The following OGDH variants were observed in gnomAD, a reference collection of about 807,000 sequenced individuals.
The protein encoded by OGDH is oxoglutarate dehydrogenase.
Under a neutral mutation model 116.6 loss-of-function variants are expected in OGDH, and 38 were observed. The ratio of observed to expected loss-of-function variants is 0.33; its 90% confidence interval spans 0.25 to 0.43. The LOEUF is 0.43. OGDH is among the 20% of genes least tolerant of loss of function. The probability of loss-of-function intolerance (pLI) is 1.00; values close to 1 mark genes in which losing one functional copy is unlikely to be tolerated. For missense variants in OGDH, 825 were observed against 1,357.2 expected (o/e 0.61, Z 6.16); for synonymous variants, 488 against 533.3 (o/e 0.92, Z 1.17).
intron 2 of OGDH, among the ~76,000 whole-genome samples, chr7:44,642,924 A>G (rs79359790): frequency 1.3e-5 from 2 of 151,190 alleles, no homozygotes; most frequent in Non-Finnish European, 2.9e-5. Context: ...TCTGTCTCAA[A>G]AAAAAAAAAA....
Position 44,693,136 on chromosome 7 carries a change from G to A in OGDH, c.1336-689G>A, listed in dbSNP as rs187605262. Among the ~76,000 whole-genome samples, 315 of 152,114 alleles carry A rather than the reference G, an allele frequency of 2.1e-3. 1 individual carries two copies. The highest frequency in any genetic ancestry group is 2.8e-3 in the Non-Finnish European group (187 of 67,986). ...AGCCTGGCTAACATAGTGAAACCCCGTCTCTACTAAAAATAACAAAAATTA... is the reference window on the plus strand; with the variant it reads ...AGCCTGGCTAACATAGTGAAACCCCATCTCTACTAAAAATAACAAAAATTA... On this transcript the variant is annotated intron_variant, in intron 10 of 22. Coordinates refer to ENST00000222673, the MANE Select transcript of OGDH (RefSeq NM_002541.4).
At chr7:44,676,664 A>G in intron 9 of OGDH, 1 of 308,934 alleles carries the variant, frequency 3.2e-6, no homozygotes, top group Non-Finnish European at 4.7e-6. Context: ...TTTAAAGAAT[A>G]GCAATAGTAA....
In OGDH at chr7:44,633,802, G is replaced by A. The variant is rs147109590; in HGVS notation, c.222+9237G>A. ...AGACGACCACAGGTGACCCCAGACT[G>A]TGGGTCTTCCTCACCTCCTTGAGAG... On this transcript the variant is annotated intron_variant, in intron 2 of 22. Transcript: ENST00000222673. 6.6e-4 allele frequency among the ~76,000 whole-genome samples: 101 copies of A among 152,346 alleles called. 1 individual carries two copies. In the East Asian group the frequency reaches 6.9e-3, roughly 10 times the overall value.
intron 2 of OGDH, among the ~76,000 whole-genome samples, chr7:44,626,181 A>G (rs915589781): frequency 3.3e-5 from 5 of 152,068 alleles, no homozygotes; most frequent in African/African-American, 1.2e-4. Flanking sequence ...TTATTTCCCT[A>G]GTCTGTAAAC....
chr7:44,607,001 C>A (rs890622579), intron 1 of OGDH, among the ~76,000 whole-genome samples: 3 of 152,140 alleles, frequency 2.0e-5, no homozygotes, highest in African/African-American at 7.2e-5. Context: ...GAGGGCGGTG[C>A]GTCCGCAGGG....
rs376291092 is a variant in OGDH at position 44,645,736 on chromosome 7, G to A, written c.414+218G>A. Among the ~76,000 whole-genome samples, 6 of 152,322 alleles carry A rather than the reference G, an allele frequency of 3.9e-5. No individual in the cohort carries two copies. The East Asian group carries it at 9.6e-4, about 24-fold the overall frequency. On this transcript the variant is annotated intron_variant, in intron 3 of 22. Coordinates refer to ENST00000222673, the MANE Select transcript of OGDH (RefSeq NM_002541.4). ...GAGCAAATCTCCCAGCACCACTAAT[G>A]CCTGCCTTATAAAAGGGATCCTTAT...
intron 4 of OGDH, among the ~76,000 whole-genome samples, chr7:44,664,771 C>G (rs1037017917): frequency 1.3e-5 from 2 of 152,118 alleles, no homozygotes; most frequent in Non-Finnish European, 2.9e-5. Flanking sequence ...ACAAAGCACT[C>G]ATATATAGAT....
intron 1 of OGDH, chr7:44,622,665 T>C (rs921018503): frequency 2.6e-5 from 4 of 152,220 alleles, no homozygotes; most frequent in Non-Finnish European, 4.4e-5. Context: ...TTCTGGGTAA[T>C]TCACACTATG....
At chr7:44,614,717 C>G (rs571118093) in intron 1 of OGDH, among the ~76,000 whole-genome samples, 35 of 151,968 alleles carry the variant, frequency 2.3e-4, no homozygotes, top group Non-Finnish European at 3.8e-4. Flanking sequence ...CTCGTGGAAG[C>G]ATTTTGAGGA....
In OGDH at chr7:44,630,544, T is replaced by C. The variant is rs1452461378; in HGVS notation, c.222+5979T>C. ...TTTTATGTTTGATTTATGAATGACTTATCAGAAATATATGTAGTCATTCCT... is the reference window on the plus strand; with the variant it reads ...TTTTATGTTTGATTTATGAATGACTCATCAGAAATATATGTAGTCATTCCT... On this transcript the variant is annotated intron_variant, in intron 2 of 22. Transcript: ENST00000222673. 2.6e-5 allele frequency among the ~76,000 whole-genome samples: 4 copies of C among 152,252 alleles called. No homozygotes were observed. In the East Asian group the frequency reaches 7.7e-4, roughly 29 times the overall value.
chr7:44,705,243 G>A (rs369738568), intron 20 of OGDH, among the ~76,000 whole-genome samples: 6 of 146,912 alleles, frequency 4.1e-5, no homozygotes, highest in East Asian at 4.1e-4. Flanking sequence ...TAGTAGAGAC[G>A]GGGTTTCACC....
intron 10 of OGDH, among the ~76,000 whole-genome samples, chr7:44,682,403 G>C (rs1432590550): frequency 6.7e-6 from 1 of 149,532 alleles, no homozygotes; most frequent in Non-Finnish European, 1.5e-5. Context: ...AAAAAGAAAA[G>C]AAAAAAAGTT....
intron 2 of OGDH, among the ~76,000 whole-genome samples, chr7:44,635,265 T>G (rs1785613679): frequency 6.6e-6 from 1 of 152,306 alleles, no homozygotes; most frequent in South Asian, 2.1e-4. Context: ...CGGTGTTCCT[T>G]GGTTACATGG....
At chr7:44,646,299 G>A (rs1391314560) in intron 3 of OGDH, among the ~76,000 whole-genome samples, 4 of 152,186 alleles carry the variant, frequency 2.6e-5, no homozygotes, top group Non-Finnish European at 5.9e-5. Flanking sequence ...AACTGCTTTG[G>A]TGGCAACAAG....
At chr7:44,679,315 G>A (rs758886231) in intron 9 of OGDH, among the ~76,000 whole-genome samples, 1 of 152,196 alleles carries the variant, frequency 6.6e-6, no homozygotes, top group East Asian at 1.9e-4. Flanking sequence ...TTTACACTCA[G>A]GCAGCCTGGG....
At chr7:44,636,599 GC>G (rs2115658611) in intron 2 of OGDH, among the ~76,000 whole-genome samples, 1 of 152,332 alleles carries the variant, frequency 6.6e-6, no homozygotes, top group East Asian at 1.9e-4. Context: ...GTGAGCAGCT[GC>G]CACATGCAGA....
At position 44,627,115 on chromosome 7, in the gene OGDH, G is replaced by A. The variant is rs111347549; in HGVS notation, c.222+2550G>A. The stretch of plus-strand genomic sequence containing the variant: ...AGGCTCAAGCGATTCTCCTGCCTCA[G>A]CCTCCTGAGTAGCTGGGATTACAGG... On this transcript the variant is annotated intron_variant, in intron 2 of 22. Transcript: ENST00000222673. 1.6e-3 allele frequency among the ~76,000 whole-genome samples: 248 copies of A among 152,348 alleles called. 2 individuals carry two copies. The highest frequency in any genetic ancestry group is 5.5e-3 in the African/African-American group (227 of 41,582).
chr7:44,612,387 CT>C (rs1470101403), intron 1 of OGDH, among the ~76,000 whole-genome samples: 2 of 149,542 alleles, frequency 1.3e-5, no homozygotes, highest in African/African-American at 2.5e-5. Context: ...TTTTGCCTTT[CT>C]TTTTTTTTTC....
chr7:44,641,147 C>T (rs920195508), intron 2 of OGDH, among the ~76,000 whole-genome samples: 6 of 150,908 alleles, frequency 4.0e-5, no homozygotes, highest in African/African-American at 7.3e-5. Context: ...GTGATCCGCC[C>T]GCTTCAGCCT....
Sources: allele counts gnomAD v4.1 joint callset (sites outside exome capture counted in the v4.1 genomes callset), GRCh38; gene constraint gnomAD v4.1.1; transcripts MANE v1.5; gene names NCBI Gene and HGNC (gene_info 2026-07-23, HGNC 2026-07-21).